Variants in ASTN2 observed in about 807,000 individuals in gnomAD.
ASTN2 encodes astrotactin 2.
A neutral mutation model predicts 139.8 loss-of-function variants in ASTN2; 54 were observed. That is an observed-to-expected ratio of 0.39 (90% CI 0.31 to 0.48). The LOEUF (loss-of-function observed/expected upper bound fraction) is 0.48, where lower values mean the gene tolerates loss of function less well. Ranked by LOEUF, ASTN2 falls within the 20% of genes least tolerant of loss-of-function variation. The probability of loss-of-function intolerance (pLI) is 0.95; values close to 1 mark genes in which losing one functional copy is unlikely to be tolerated. For synonymous variants in ASTN2, 756 were observed against 719.5 expected (o/e 1.05, Z -0.81); for missense variants, 1,565 against 1,725.1 (o/e 0.91, Z 1.64).
chr9:116,816,673 C>G (rs1831337528), intron 12 of ASTN2, among the ~76,000 whole-genome samples: 1 of 151,990 alleles, frequency 6.6e-6, no homozygotes, highest in Non-Finnish European at 1.5e-5. Context: ...CAGAAACAGA[C>G]AGGAATGCAG....
intron 19 of ASTN2, among the ~76,000 whole-genome samples, chr9:116,615,425 C>T (rs993951779): frequency 2.6e-5 from 4 of 151,958 alleles, no homozygotes; most frequent in African/African-American, 7.3e-5. Context: ...CACGTGCACA[C>T]GTATGTTTAT....
intron 19 of ASTN2, among the ~76,000 whole-genome samples, chr9:116,604,785 T>C (rs1048565586): frequency 4.0e-4 from 61 of 152,252 alleles, no homozygotes; most frequent in Non-Finnish European, 5.0e-4. Flanking sequence ...CTAGAGAAAA[T>C]TTTCAGTCTA....
At position 117,230,783 on chromosome 9, in the gene ASTN2, G is replaced by C. The variant is rs147146223; in HGVS notation, c.631-16041C>G. Among the ~76,000 whole-genome samples the C allele has an allele frequency of 3.6e-3, 548 of 152,290 alleles. 7 individuals carry two copies. The highest frequency in any genetic ancestry group is 0.013 in the African/African-American group (520 of 41,572). On this transcript the variant is annotated intron_variant, in intron 2 of 22. Coordinates refer to ENST00000313400, the MANE Select transcript of ASTN2 (RefSeq NM_001365068.1). Reference sequence around the variant, plus strand: ...GGGGCAGAGGGAGCGGACAGTGCATGCATCATGGAAAGGTAGCATCATCAG... The same window carrying C: ...GGGGCAGAGGGAGCGGACAGTGCATCCATCATGGAAAGGTAGCATCATCAG...
At chr9:117,398,008 T>C (rs1253830382) in intron 1 of ASTN2, among the ~76,000 whole-genome samples, 1 of 152,248 alleles carries the variant, frequency 6.6e-6, no homozygotes, top group Non-Finnish European at 1.5e-5. Context: ...TTCCACACTC[T>C]CTGTGTCTCA....
At position 116,440,688 on chromosome 9, in the gene ASTN2, G is replaced by C; in HGVS notation, c.3703C>G (p.Arg1235Gly). 1.2e-6 allele frequency: 2 copies of C among 1,614,182 alleles called. No individual in the cohort carries two copies. The highest frequency in any genetic ancestry group is 1.7e-6 in the Non-Finnish European group (2 of 1,180,038). The part of the protein sequence containing the change: ...LMEVSASMLF[R>G]VQHHYNSHYE... Reference sequence around the variant, plus strand: ...TGAGAGTTGTAGTGGTGCTGGACTCGGAACAGCATCGAGGCTGAGACCTCC... The same window carrying C: ...TGAGAGTTGTAGTGGTGCTGGACTCCGAACAGCATCGAGGCTGAGACCTCC... The change falls in exon 22 of 23, where the codon CGA (arginine) becomes GGA (glycine). Residue 1235 changes from arginine (R) to glycine (G), a missense_variant. By Grantham distance (125) the Arg-to-Gly change is moderately radical. Transcript: ENST00000313400.
In ASTN2 at chr9:116,444,563, G is replaced by A. The variant is rs530323479; in HGVS notation, c.3498-2010C>T. On this transcript the variant is annotated intron_variant, in intron 20 of 22. Coordinates refer to ENST00000313400, the MANE Select transcript of ASTN2 (RefSeq NM_001365068.1). Reference sequence around the variant, plus strand: ...CGCAGGCTCAGGGTATCATATCCAGGTTACCTACATGGGCCCTTCCAGCTT... The same window carrying A: ...CGCAGGCTCAGGGTATCATATCCAGATTACCTACATGGGCCCTTCCAGCTT... Among the ~76,000 whole-genome samples, 63 of 152,206 alleles carry A rather than the reference G, an allele frequency of 4.1e-4. 1 individual carries two copies. In the South Asian group the frequency reaches 4.8e-3, roughly 12 times the overall value.
chr9:116,430,100 C>T (rs1246405950), intron 22 of ASTN2, among the ~76,000 whole-genome samples: 2 of 152,082 alleles, frequency 1.3e-5, no homozygotes, highest in African/African-American at 4.8e-5. Context: ...TTATTCTGGG[C>T]AATGGAGAGA....
intron 10 of ASTN2, among the ~76,000 whole-genome samples, chr9:116,910,518 C>T (rs1233428339): frequency 3.9e-5 from 6 of 152,168 alleles, no homozygotes; most frequent in East Asian, 1.9e-4. Context: ...TACATACAAA[C>T]GTTCCTGATT....
At chr9:116,571,826 C>T (rs959414944) in intron 19 of ASTN2, among the ~76,000 whole-genome samples, 8 of 151,868 alleles carry the variant, frequency 5.3e-5, no homozygotes, top group African/African-American at 1.7e-4. Context: ...TGTGTGTGAC[C>T]GTGTCTCTTT....
rs374632946 is a variant in ASTN2, at chr9:117,177,452, TTCA to T, written c.1016-35977_1016-35975del. On this transcript the variant is annotated intron_variant, in intron 3 of 22. Coordinates refer to ENST00000313400, the MANE Select transcript of ASTN2 (RefSeq NM_001365068.1). ...GCAAAGTCAGCTTCACAGAAATAGT[TTCA>T]TCATCTCCAAGTAAGATGGTCCAGG... 2.8e-3 allele frequency among the ~76,000 whole-genome samples: 433 copies of T among 152,276 alleles called. 2 individuals are homozygous for T. The highest frequency in any genetic ancestry group is 0.01 in the African/African-American group (418 of 41,566).
At chr9:116,655,920 G>A (rs889828767) in intron 16 of ASTN2, among the ~76,000 whole-genome samples, 6 of 151,818 alleles carry the variant, frequency 4.0e-5, no homozygotes, top group African/African-American at 1.2e-4. Context: ...TAGAGACAGC[G>A]TTTCACCATG....
intron 19 of ASTN2, among the ~76,000 whole-genome samples, chr9:116,499,757 T>G (rs189436237): frequency 5.3e-5 from 8 of 152,222 alleles, no homozygotes; most frequent in African/African-American, 1.9e-4. Flanking sequence ...TGCATCAACC[T>G]TGGAGTTGTG....
intron 4 of ASTN2, among the ~76,000 whole-genome samples, chr9:117,132,708 C>T (rs1035496276): frequency 2.6e-5 from 4 of 152,118 alleles, no homozygotes; most frequent in Non-Finnish European, 5.9e-5. Flanking sequence ...ACCTGTGGGT[C>T]ACCGGGTTGG....
At chr9:116,799,897 T>C (rs1435438034) in intron 13 of ASTN2, among the ~76,000 whole-genome samples, 1 of 152,154 alleles carries the variant, frequency 6.6e-6, no homozygotes, top group African/African-American at 2.4e-5. Flanking sequence ...ACAACAAAGC[T>C]TGACATCACT....
At chr9:117,137,334 C>T (rs568884458) in intron 4 of ASTN2, among the ~76,000 whole-genome samples, 95 of 152,264 alleles carry the variant, frequency 6.2e-4, no homozygotes, top group Middle Eastern at 3.4e-3. Context: ...TAGTGGGCAC[C>T]GTGGCCCGGG....
intron 11 of ASTN2, among the ~76,000 whole-genome samples, chr9:116,857,558 C>T (rs1180852312): frequency 6.6e-6 from 1 of 152,114 alleles, no homozygotes; most frequent in Non-Finnish European, 1.5e-5. Context: ...AAAGCTGATG[C>T]TATGGGGCCA....
intron 19 of ASTN2, among the ~76,000 whole-genome samples, chr9:116,521,507 C>T (rs529656829): frequency 3.9e-5 from 6 of 152,046 alleles, no homozygotes; most frequent in East Asian, 1.9e-4. Context: ...AAGATGGATC[C>T]GGGACTTAAA....
At position 116,699,757 on chromosome 9, in the gene ASTN2, A is replaced by G; in HGVS notation, c.2806+26014T>C. On this transcript the variant is annotated intron_variant, in intron 16 of 22. Transcript: ENST00000313400. This position sits in a 1 kb window ranked among gnomAD's most constrained non-coding sequence, Gnocchi z 4.2. ...CTCCCAAGCCAACTTCCCTTCCCTT[A>G]GTTCTTGGTTGTTAGTGGCACATGC... The G allele has an allele frequency of 1.2e-6, 2 of 1,613,284 alleles. No individual in the cohort carries two copies. The highest frequency in any genetic ancestry group is 1.7e-6 in the Non-Finnish European group (2 of 1,179,600).
intron 10 of ASTN2, among the ~76,000 whole-genome samples, chr9:116,901,089 A>AC (rs1833997771): frequency 1.0e-5 from 1 of 96,034 alleles, no homozygotes; most frequent in Non-Finnish European, 2.8e-5. Flanking sequence ...CCGGCTACTG[A>AC]TTGTGTGTGT....
Sources: gnomAD v4.1 joint callset for allele counts (sites outside exome capture counted in the v4.1 genomes callset) on GRCh38, gnomAD v4.1.1 for gene constraint, Gnocchi (gnomAD v3.1) non-coding constraint, MANE v1.5 for transcripts, NCBI Gene and HGNC (gene_info 2026-07-23, HGNC 2026-07-21) for gene names.